Variants in ASIC2 observed in about 807,000 individuals in gnomAD.
ASIC2 encodes the protein acid sensing ion channel subunit 2, also known as acid-sensing ion channel 2.
In ASIC2, 25 loss-of-function variants were observed where a neutral mutation model predicts 57.3. That is an observed-to-expected ratio of 0.44 (90% CI 0.32 to 0.61). The LOEUF (loss-of-function observed/expected upper bound fraction) is 0.61, where lower values mean the gene tolerates loss of function less well. ASIC2 is among the 20% of genes least tolerant of loss of function. ASIC2 has a pLI of 0.06. For synonymous variants in ASIC2, 319 were observed against 307.5 expected (o/e 1.04, Z -0.39); for missense variants, 641 against 738.1 (o/e 0.87, Z 1.52).
intron 1 of ASIC2, among the ~76,000 whole-genome samples, chr17:33,753,587 A>G (rs893886075): frequency 6.6e-6 from 1 of 152,264 alleles, no homozygotes; most frequent in African/African-American, 2.4e-5. Flanking sequence ...GAGAGACTCC[A>G]GTGCAGCCGT....
intron 1 of ASIC2, among the ~76,000 whole-genome samples, chr17:33,370,844 C>A (rs1490923617): frequency 6.6e-6 from 1 of 152,174 alleles, no homozygotes; most frequent in African/African-American, 2.4e-5. Flanking sequence ...CGATCCAGAC[C>A]CCAAGTTCTT....
chr17:33,643,202 A>T (rs915317181), intron 1 of ASIC2, among the ~76,000 whole-genome samples: 8 of 150,840 alleles, frequency 5.3e-5, no homozygotes, highest in African/African-American at 1.9e-4. Flanking sequence ...ACAAATTATG[A>T]CATCTTGCCA....
intron 1 of ASIC2, among the ~76,000 whole-genome samples, chr17:33,652,581 C>T (rs1906953853): frequency 1.3e-5 from 2 of 152,188 alleles, no homozygotes; most frequent in Non-Finnish European, 2.9e-5. Context: ...TAATTTCCAG[C>T]TCCAGAACTC....
intron 1 of ASIC2, among the ~76,000 whole-genome samples, chr17:33,990,591 A>G (rs999379336): frequency 3.9e-5 from 6 of 152,320 alleles, no homozygotes; most frequent in Middle Eastern, 3.4e-3. Flanking sequence ...GCACAACTCA[A>G]TTTAGTTGTA....
At chr17:33,878,110 G>A (rs574988931) in intron 1 of ASIC2, among the ~76,000 whole-genome samples, 6 of 152,264 alleles carry the variant, frequency 3.9e-5, no homozygotes, top group South Asian at 2.1e-4. Context: ...CCATCTGTAC[G>A]TCACCATCAT....
At chr17:33,659,785 T>C (rs1907191875) in intron 1 of ASIC2, among the ~76,000 whole-genome samples, 1 of 151,692 alleles carries the variant, frequency 6.6e-6, no homozygotes, top group Non-Finnish European at 1.5e-5. Context: ...GGCAGGAGAA[T>C]GGCGTGAACC....
chr17:33,422,131 T>C (rs1911064970), intron 1 of ASIC2, among the ~76,000 whole-genome samples: 1 of 152,250 alleles, frequency 6.6e-6, no homozygotes, highest in Non-Finnish European at 1.5e-5. Flanking sequence ...AATCACTCGC[T>C]TCCTGAGCAG....
chr17:34,096,423 G>A (rs939994775), intron 1 of ASIC2, among the ~76,000 whole-genome samples: 4 of 152,136 alleles, frequency 2.6e-5, no homozygotes, highest in Non-Finnish European at 5.9e-5. Context: ...CATAAGGTGG[G>A]AGGGGCCAGA....
rs145396301 is a variant in ASIC2, at chr17:33,462,655, G to C, written c.556-350588C>G. On this transcript the variant is annotated intron_variant, in intron 1 of 9. Coordinates refer to the ASIC2 transcript ENST00000359872. The stretch of plus-strand genomic sequence containing the variant: ...CCACCTTCAGGCTCATATTTGCTGA[G>C]AAATACAATCAGATAAGATATTACA... Among the ~76,000 whole-genome samples the C allele has an allele frequency of 2.6e-3, 402 of 152,338 alleles. 1 individual carries two copies. The highest frequency in any genetic ancestry group is 8.9e-3 in the African/African-American group (370 of 41,570).
At chr17:33,813,875 G>T (rs75435100) in intron 1 of ASIC2, among the ~76,000 whole-genome samples, 2 of 152,150 alleles carry the variant, frequency 1.3e-5, no homozygotes, top group Non-Finnish European at 2.9e-5. Context: ...ATACCCACAC[G>T]TTTCCGCAAA....
chr17:33,895,229 C>A (rs1188715788), intron 1 of ASIC2, among the ~76,000 whole-genome samples: 1 of 150,520 alleles, frequency 6.6e-6, no homozygotes, highest in African/African-American at 2.4e-5. Context: ...GAGGCACAAT[C>A]TTGGCTTACT....
intron 1 of ASIC2, among the ~76,000 whole-genome samples, chr17:33,848,765 G>A (rs1322481199): frequency 2.0e-5 from 3 of 152,266 alleles, no homozygotes; most frequent in East Asian, 1.9e-4. Context: ...AGGGGCTGAC[G>A]GTGTTACTGG....
At chr17:33,310,564 G>T (rs116461725) in intron 1 of ASIC2, among the ~76,000 whole-genome samples, 46 of 152,296 alleles carry the variant, frequency 3.0e-4, no homozygotes, top group African/African-American at 1.1e-3. Flanking sequence ...CCTGGACTTT[G>T]ATCCTTAGGC....
intron 1 of ASIC2, among the ~76,000 whole-genome samples, chr17:33,360,500 T>G (rs540944156): frequency 2.9e-4 from 44 of 152,336 alleles, no homozygotes; most frequent in Admixed American, 2.8e-3. Flanking sequence ...TGCCTCTGCC[T>G]GTAGCCCACC....
At chr17:33,503,578 C>T (rs1914163589) in intron 1 of ASIC2, among the ~76,000 whole-genome samples, 2 of 152,162 alleles carry the variant, frequency 1.3e-5, no homozygotes, top group African/African-American at 4.8e-5. Context: ...CTTATGCACT[C>T]TGTTGCTGGC....
chr17:33,290,396 C>G (rs901527368), intron 1 of ASIC2, among the ~76,000 whole-genome samples: 2 of 152,196 alleles, frequency 1.3e-5, no homozygotes, highest in African/African-American at 4.8e-5. Flanking sequence ...GTGGAAAAGC[C>G]CAAACCCACC....
At chr17:34,151,237 G>A (rs914139154) in intron 1 of ASIC2, among the ~76,000 whole-genome samples, 1 of 152,086 alleles carries the variant, frequency 6.6e-6, no homozygotes, top group Non-Finnish European at 1.5e-5. Context: ...ATTTCCTGTG[G>A]GCAGCCCCCA....
chr17:34,004,471 C>G (rs779809578), intron 1 of ASIC2: 1 of 152,254 alleles, frequency 6.6e-6, no homozygotes, highest in Non-Finnish European at 1.5e-5. Flanking sequence ...TTGCTTCAGG[C>G]AAGCCACTGT....
At chr17:33,848,112 T>C (rs1913662027) in intron 1 of ASIC2, among the ~76,000 whole-genome samples, 1 of 152,240 alleles carries the variant, frequency 6.6e-6, no homozygotes, top group African/African-American at 2.4e-5. Context: ...GCTCTTTGCA[T>C]TACACGCTCT....
Sources: gnomAD v4.1 joint callset for allele counts (sites outside exome capture counted in the v4.1 genomes callset) on GRCh38, gnomAD v4.1.1 for gene constraint, MANE v1.5 for transcripts, NCBI Gene and HGNC (gene_info 2026-07-23, HGNC 2026-07-21) for gene names.